RUNX1: variants seen among roughly 807,000 people sequenced by gnomAD.
RUNX1 encodes the protein RUNX family transcription factor 1.
A neutral mutation model predicts 42.8 loss-of-function variants in RUNX1; 19 were observed. The ratio of observed to expected loss-of-function variants is 0.44; its 90% CI spans 0.31 to 0.65. The LOEUF is 0.65. RUNX1 is among the 30% of genes least tolerant of loss of function. RUNX1 has a pLI of 0.07. For missense variants in RUNX1, 528 were observed against 672.0 expected (o/e 0.79, Z 2.37); for synonymous variants, 271 against 289.4 (o/e 0.94, Z 0.64).
At chr21:34,844,343 T>G (rs534964097) in intron 6 of RUNX1, among the ~76,000 whole-genome samples, 2 of 152,262 alleles carry the variant, frequency 1.3e-5, no homozygotes. Flanking sequence ...AGGCAAGACC[T>G]GGGGGCCAGG....
intron 2 of RUNX1, among the ~76,000 whole-genome samples, chr21:34,937,487 TTAA>T (rs1021197925): frequency 8.5e-5 from 13 of 152,068 alleles, no homozygotes; most frequent in African/African-American, 3.1e-4. Flanking sequence ...AAGATACAAC[TTAA>T]TAATAAATTA....
chr21:34,953,828 GAGA>G, intron 2 of RUNX1, among the ~76,000 whole-genome samples: 1 of 152,302 alleles, frequency 6.6e-6, no homozygotes, highest in Admixed American at 6.5e-5. Flanking sequence ...ATTCCAGAGA[GAGA>G]AGAAATTAAT....
intron 2 of RUNX1, among the ~76,000 whole-genome samples, chr21:34,927,398 G>A (rs1463581131): frequency 4.6e-5 from 7 of 152,036 alleles, no homozygotes; most frequent in Non-Finnish European, 8.8e-5. Context: ...TCTCATTTGC[G>A]GACTCTTATC....
chr21:34,927,110 T>C (rs918239111), intron 2 of RUNX1, among the ~76,000 whole-genome samples: 1 of 152,096 alleles, frequency 6.6e-6, no homozygotes, highest in Non-Finnish European at 1.5e-5. Flanking sequence ...TGAATTCAAG[T>C]ATTTCAGAAA....
intron 2 of RUNX1, among the ~76,000 whole-genome samples, chr21:35,023,698 T>A (rs1391416424): frequency 6.6e-6 from 1 of 152,114 alleles, no homozygotes; most frequent in Admixed American, 6.5e-5. Flanking sequence ...AAGACAGGAC[T>A]GGAGCCTGAG....
intron 2 of RUNX1, among the ~76,000 whole-genome samples, chr21:34,935,193 G>A (rs2058476206): frequency 1.3e-5 from 2 of 152,044 alleles, no homozygotes; most frequent in Admixed American, 6.6e-5. Flanking sequence ...TGTGTTCTTT[G>A]GGAGCCTGAA....
rs117420669 is a variant in RUNX1 at position 35,004,797 on chromosome 21, T to G, written c.58+44045A>C. On this transcript the variant is annotated intron_variant, in intron 2 of 8. Coordinates refer to ENST00000675419, the MANE Select transcript of RUNX1 (RefSeq NM_001754.5). The stretch of plus-strand genomic sequence containing the variant: ...GCTTTAAGTTCAGACCTTCCCTTGT[T>G]GTCTGCTTGCTGGAGAAGTGTCTGT... Among the ~76,000 whole-genome samples, 879 of 152,326 alleles carry G rather than the reference T, an allele frequency of 5.8e-3. 6 individuals are homozygous for G. The highest frequency in any genetic ancestry group is 9.7e-3 in the Non-Finnish European group (657 of 68,028).
chr21:34,871,513 G>A (rs1228625443), intron 5 of RUNX1, among the ~76,000 whole-genome samples: 3 of 152,210 alleles, frequency 2.0e-5, no homozygotes, highest in Admixed American at 6.5e-5. Flanking sequence ...TCAACCTGCA[G>A]CAGGCTCTAC....
intron 5 of RUNX1, among the ~76,000 whole-genome samples, chr21:34,864,816 G>C (rs183743851): frequency 2.0e-5 from 3 of 152,248 alleles, no homozygotes; most frequent in East Asian, 3.9e-4. Flanking sequence ...TGAATAAGAA[G>C]GTGAGAACAA....
At position 35,020,233 on chromosome 21, in the gene RUNX1, T is replaced by A. The variant is rs77667789; in HGVS notation, c.58+28609A>T. Among the ~76,000 whole-genome samples the A allele has an allele frequency of 3.2e-4, 48 of 152,238 alleles. 1 individual carries two copies. In the East Asian group the frequency reaches 8.7e-3, roughly 28 times the overall value. Reference sequence around the variant, plus strand: ...AGTTTTCATTAGTTCCTCCCCGACCTTACTTTCCAGAGGACCTGGTAATAA... The same window carrying A: ...AGTTTTCATTAGTTCCTCCCCGACCATACTTTCCAGAGGACCTGGTAATAA... On this transcript the variant is annotated intron_variant, in intron 2 of 8. Coordinates refer to ENST00000675419, the MANE Select transcript of RUNX1 (RefSeq NM_001754.5).
intron 7 of RUNX1, among the ~76,000 whole-genome samples, chr21:34,816,150 G>A (rs2056822771): frequency 6.6e-6 from 1 of 152,202 alleles, no homozygotes; most frequent in Non-Finnish European, 1.5e-5. Context: ...GAAAGAAATT[G>A]TTTAGGGCAG....
At chr21:34,794,177 A>G (rs571529497) in intron 8 of RUNX1, among the ~76,000 whole-genome samples, 1 of 152,124 alleles carries the variant, frequency 6.6e-6, no homozygotes, top group South Asian at 2.1e-4. Flanking sequence ...AATATGTTAT[A>G]CATAATATAT....
chr21:34,998,691 G>A (rs527750791), intron 2 of RUNX1, among the ~76,000 whole-genome samples: 35 of 152,002 alleles, frequency 2.3e-4, no homozygotes, highest in East Asian at 1.7e-3. Flanking sequence ...ACAGGCACCC[G>A]CCACCATGCC....
At chr21:34,952,161 G>C (rs959849863) in intron 2 of RUNX1, among the ~76,000 whole-genome samples, 1 of 152,146 alleles carries the variant, frequency 6.6e-6, no homozygotes, top group Non-Finnish European at 1.5e-5. Context: ...TCACTCATAA[G>C]TGTGAGTTGA....
intron 6 of RUNX1, among the ~76,000 whole-genome samples, chr21:34,855,467 A>C (rs1386320857): frequency 6.6e-6 from 1 of 152,140 alleles, no homozygotes; most frequent in African/African-American, 2.4e-5. Context: ...CACTTTGGGA[A>C]GCCAAGGTGG....
At chr21:34,807,429 T>C (rs2056695114) in intron 7 of RUNX1, among the ~76,000 whole-genome samples, 1 of 152,174 alleles carries the variant, frequency 6.6e-6, no homozygotes, top group Admixed American at 6.5e-5. Context: ...CGCCAGGTCT[T>C]TCAGTCATCT....
rs140976048 is a variant in RUNX1 at position 34,871,714 on chromosome 21, C to G, written c.508+8843G>C. ...GCAAGCCCATCCTGTGGGCGGCAAA[C>G]CCACAAACCTTGGTCCTGTCTCCCC... On this transcript the variant is annotated intron_variant, in intron 5 of 8. Coordinates refer to ENST00000675419, the MANE Select transcript of RUNX1 (RefSeq NM_001754.5). Among the ~76,000 whole-genome samples, 689 of 152,286 alleles carry G rather than the reference C, an allele frequency of 4.5e-3. 4 individuals are homozygous for G. The highest frequency in any genetic ancestry group is 0.016 in the African/African-American group (663 of 41,554).
chr21:34,861,671 T>C (rs1261386287), intron 5 of RUNX1, among the ~76,000 whole-genome samples: 1 of 152,068 alleles, frequency 6.6e-6, no homozygotes, highest in Non-Finnish European at 1.5e-5. Flanking sequence ...GCCATGGCAT[T>C]GAGATGCTGA....
At chr21:34,970,922 T>C (rs2058759397) in intron 2 of RUNX1, among the ~76,000 whole-genome samples, 1 of 152,232 alleles carries the variant, frequency 6.6e-6, no homozygotes, top group African/African-American at 2.4e-5. Flanking sequence ...TAGATAAGTT[T>C]GGATTGCAGT....
Sources: gnomAD v4.1 joint callset for allele counts (sites outside exome capture counted in the v4.1 genomes callset) on GRCh38, gnomAD v4.1.1 for gene constraint, MANE v1.5 for transcripts, NCBI Gene and HGNC (gene_info 2026-07-23, HGNC 2026-07-21) for gene names.